Variants in UNC5D observed in about 807,000 individuals in gnomAD.
UNC5D encodes netrin receptor UNC5D.
Under a neutral mutation model 105.4 loss-of-function variants are expected in UNC5D, and 39 were observed. That is an observed-to-expected ratio of 0.37 (90% CI 0.29 to 0.48). UNC5D has a LOEUF of 0.48. UNC5D is among the 20% of genes least tolerant of loss of function. The pLI, the probability that UNC5D is intolerant of heterozygous loss-of-function variation, is 0.98. For synonymous variants in UNC5D, 452 were observed against 450.4 expected (o/e 1.00, Z -0.04); for missense variants, 991 against 1,202.4 (o/e 0.82, Z 2.60).
At chr8:35,476,995 G>A (rs914234798) in intron 1 of UNC5D, among the ~76,000 whole-genome samples, 1 of 152,088 alleles carries the variant, frequency 6.6e-6, no homozygotes, top group African/African-American at 2.4e-5. Context: ...GATCATTATA[G>A]CAGTGCATTC....
chr8:35,517,006 A>G (rs1813142086), intron 1 of UNC5D, among the ~76,000 whole-genome samples: 1 of 152,212 alleles, frequency 6.6e-6, no homozygotes, highest in Non-Finnish European at 1.5e-5. Flanking sequence ...ACATTCTTAA[A>G]AACCTGCATT....
chr8:35,754,824 C>G (rs1293289596), intron 13 of UNC5D, among the ~76,000 whole-genome samples: 1 of 152,142 alleles, frequency 6.6e-6, no homozygotes, highest in Admixed American at 6.6e-5. Context: ...ACTTTGTTTA[C>G]CTGGCTAAGA....
At chr8:35,335,756 ATTTTTTTTTTT>A (rs35774459) in intron 1 of UNC5D, among the ~76,000 whole-genome samples, 3 of 90,456 alleles carry the variant, frequency 3.3e-5, no homozygotes, top group South Asian at 8.2e-4. Context: ...AGAGATTGCA[ATTTTTTTTTTT>A]TTTTTTTTTT....
At chr8:35,692,743 C>T (rs1826492925) in intron 7 of UNC5D, among the ~76,000 whole-genome samples, 1 of 152,214 alleles carries the variant, frequency 6.6e-6, no homozygotes, top group South Asian at 2.1e-4. Context: ...AGCAAGTTAA[C>T]ATACCAGCAC....
chr8:35,459,950 G>A (rs1015509994), intron 1 of UNC5D, among the ~76,000 whole-genome samples: 4 of 152,142 alleles, frequency 2.6e-5, no homozygotes, highest in Non-Finnish European at 5.9e-5. Context: ...AACTAAACTG[G>A]AGGGGTCTAA....
rs545938249 is a variant in UNC5D, at chr8:35,781,941, T to C, written c.2657+7464T>C. ...TGATGAGGGAAATTTTATTGCCAAA[T>C]TAATTGGCCTGAAATAATTAATGCA... On this transcript the variant is annotated intron_variant, in intron 16 of 16. Transcript: ENST00000404895. Among the ~76,000 whole-genome samples the C allele has an allele frequency of 5.9e-5, 9 of 152,294 alleles. No individual in the cohort carries two copies. The East Asian group carries it at 1.7e-3, about 29-fold the overall frequency.
chr8:35,369,299 A>G (rs1802300563), intron 1 of UNC5D, among the ~76,000 whole-genome samples: 1 of 152,174 alleles, frequency 6.6e-6, no homozygotes, highest in Admixed American at 6.6e-5. Flanking sequence ...TCTAGAATTG[A>G]ACTATACTTT....
intron 1 of UNC5D, among the ~76,000 whole-genome samples, chr8:35,237,755 C>T (rs2128798047): frequency 6.6e-6 from 1 of 152,284 alleles, no homozygotes; most frequent in Middle Eastern, 3.4e-3. Context: ...TTTCCCATGT[C>T]ATATTTTACA....
chr8:35,595,708 A>C, intron 4 of UNC5D, 51 bp downstream of exon 4: 1 of 1,548,370 alleles, frequency 6.5e-7, no homozygotes, highest in Non-Finnish European at 8.9e-7. Context: ...GCCTGTTCCC[A>C]AGAGGGAGGG....
intron 15 of UNC5D, among the ~76,000 whole-genome samples, chr8:35,770,054 T>C (rs1445821455): frequency 6.6e-6 from 1 of 152,132 alleles, no homozygotes; most frequent in Non-Finnish European, 1.5e-5. Context: ...TGCTGAGAAA[T>C]TGGGATGACC....
At chr8:35,469,965 A>G (rs1429455074) in intron 1 of UNC5D, among the ~76,000 whole-genome samples, 1 of 152,118 alleles carries the variant, frequency 6.6e-6, no homozygotes, top group Non-Finnish European at 1.5e-5. Context: ...TTATTAAGCC[A>G]CTCCTCACCT....
At chr8:35,461,479 G>C (rs1023885641) in intron 1 of UNC5D, among the ~76,000 whole-genome samples, 8 of 152,076 alleles carry the variant, frequency 5.3e-5, no homozygotes, top group Non-Finnish European at 1.2e-4. Flanking sequence ...CACCTGGAGA[G>C]GGTGAAAAAA....
chr8:35,647,702 G>A (rs183757891), intron 4 of UNC5D, among the ~76,000 whole-genome samples: 10 of 152,178 alleles, frequency 6.6e-5, no homozygotes, highest in Non-Finnish European at 1.2e-4. Flanking sequence ...TCCTTTGTAC[G>A]GTTTATCTAA....
intron 1 of UNC5D, among the ~76,000 whole-genome samples, chr8:35,421,819 T>C (rs1805924219): frequency 6.6e-6 from 1 of 152,216 alleles, no homozygotes; most frequent in Admixed American, 6.5e-5. Context: ...AACTTTTCTT[T>C]ACACCATCAT....
chr8:35,377,109 T>C (rs1263217155), intron 1 of UNC5D, among the ~76,000 whole-genome samples: 1 of 152,206 alleles, frequency 6.6e-6, no homozygotes, highest in African/African-American at 2.4e-5. Flanking sequence ...TTTTATCTGC[T>C]TCTCAGGTCA....
chr8:35,710,050 C>G (rs78295314), intron 8 of UNC5D, among the ~76,000 whole-genome samples: 1 of 152,110 alleles, frequency 6.6e-6, no homozygotes, highest in Non-Finnish European at 1.5e-5. Flanking sequence ...GTGACATGAC[C>G]TAATATATTC....
chr8:35,317,438 T>A (rs1809391261), intron 1 of UNC5D, among the ~76,000 whole-genome samples: 1 of 152,178 alleles, frequency 6.6e-6, no homozygotes, highest in Non-Finnish European at 1.5e-5. Context: ...TTAGTAAGTT[T>A]GTTATTGTCA....
chr8:35,750,260 C>T (rs976601009), intron 12 of UNC5D, among the ~76,000 whole-genome samples: 2 of 152,100 alleles, frequency 1.3e-5, no homozygotes, highest in Admixed American at 6.5e-5. Context: ...GCCTCAGACC[C>T]GACCTGACCC....
chr8:35,387,396 C>A (rs1451116056), intron 1 of UNC5D, among the ~76,000 whole-genome samples: 1 of 147,792 alleles, frequency 6.8e-6, no homozygotes, highest in Non-Finnish European at 1.5e-5. Flanking sequence ...GATTCTCAGG[C>A]CCTCTGCGTC....
Sources: allele counts gnomAD v4.1 joint callset (sites outside exome capture counted in the v4.1 genomes callset), GRCh38; gene constraint gnomAD v4.1.1; transcripts MANE v1.5; gene names NCBI Gene and HGNC (gene_info 2026-07-23, HGNC 2026-07-21).